The following ANXA5 variants were observed in gnomAD, a reference collection of about 807,000 sequenced individuals.
ANXA5 encodes the protein CBP-I.
Under a neutral mutation model 48.1 loss-of-function variants are expected in ANXA5, and 40 were observed. The observed-to-expected ratio is 0.83, with a 90% CI of 0.65 to 1.08. ANXA5 has a LOEUF of 1.08. Ranked by LOEUF, ANXA5 falls within the 50% of genes least tolerant of loss-of-function variation. ANXA5 has a pLI of 0.00. For missense variants in ANXA5, 357 were observed against 376.8 expected (o/e 0.95, Z 0.44); for synonymous variants, 113 against 129.1 (o/e 0.88, Z 0.85).
At chr4:121,686,929 T>C (rs1280201094) in intron 2 of ANXA5, among the ~76,000 whole-genome samples, 2 of 152,236 alleles carry the variant, frequency 1.3e-5, no homozygotes, top group African/African-American at 4.8e-5. Context: ...GAAGACATTC[T>C]TCATAAAGCT....
intron 2 of ANXA5, among the ~76,000 whole-genome samples, chr4:121,690,179 A>G (rs1724958412): frequency 1.3e-5 from 2 of 152,230 alleles, no homozygotes; most frequent in African/African-American, 4.8e-5. Flanking sequence ...ACAAAGAAAC[A>G]TACTGGCTCA....
chr4:121,685,836 G>A (rs1019835965), intron 3 of ANXA5, among the ~76,000 whole-genome samples: 3 of 152,156 alleles, frequency 2.0e-5, no homozygotes, highest in African/African-American at 7.2e-5. Context: ...TACCACACAG[G>A]TGAGGGTGAC....
At chr4:121,695,100 T>C (rs113910858) in intron 2 of ANXA5, among the ~76,000 whole-genome samples, 5,539 of 152,310 alleles carry the variant, frequency 0.036, 350 homozygotes, top group African/African-American at 0.13. Context: ...GAGGGAATTA[T>C]TATTCGATGC....
At chr4:121,677,751 T>G in intron 8 of ANXA5, 143 bp downstream of exon 8, 1 of 697,290 alleles carries the variant, frequency 1.4e-6, no homozygotes, top group Non-Finnish European at 2.4e-6. Flanking sequence ...AAGCTACTTA[T>G]GTAGGTCTTA....
At chr4:121,680,429 T>A (rs1420991104) in intron 6 of ANXA5, among the ~76,000 whole-genome samples, 1 of 152,254 alleles carries the variant, frequency 6.6e-6, no homozygotes, top group Non-Finnish European at 1.5e-5. Context: ...GAATGCATTA[T>A]TGCATTTAAC....
chr4:121,671,908 T>G lies in ANXA5; in HGVS notation c.626-266A>C, dbSNP rs535687476. ...CTGGAGGGGATGCTGAGAAATCTCC[T>G]CACTTACAAAAAGTGATACACAGAT... On this transcript the variant is annotated intron_variant, in intron 9 of 12. Transcript: ENST00000296511. Among the ~76,000 whole-genome samples the G allele has an allele frequency of 5.6e-4, 85 of 152,306 alleles. 2 individuals carry two copies. In the South Asian group the frequency reaches 0.012, roughly 22 times the overall value.
Position 121,669,741 on chromosome 4 carries a change from A to T in ANXA5, c.781-17T>A, listed in dbSNP as rs1488314106. The T allele has an allele frequency of 1.3e-6, 2 of 1,581,078 alleles. No homozygotes were observed. Among genetic ancestry groups the T allele is most frequent in the Non-Finnish European group, 1.7e-6 (2 of 1,171,852 alleles). ...CCCAGCTCCCTTTAAAAAAAAAAAAAAAGAGAGAAGCAAAATGCTTAAAAA... is the reference window on the plus strand; with the variant it reads ...CCCAGCTCCCTTTAAAAAAAAAAAATAAGAGAGAAGCAAAATGCTTAAAAA... On this transcript the variant is annotated splice_polypyrimidine_tract_variant and intron_variant, in intron 11 of 12. Transcript: ENST00000296511.
rs569162041 is a variant in ANXA5 at position 121,682,427 on chromosome 4, T to G, written c.304-666A>C. On this transcript the variant is annotated intron_variant, in intron 5 of 12. Transcript: ENST00000296511. Reference sequence around the variant, plus strand: ...CAACGATATAGCTGGACTTAATTTTTTTTAAAAGATAGTATATTGAAGCCT... The same window carrying G: ...CAACGATATAGCTGGACTTAATTTTGTTTAAAAGATAGTATATTGAAGCCT... Among the ~76,000 whole-genome samples the G allele has an allele frequency of 3.9e-5, 6 of 152,268 alleles. No individual in the cohort carries two copies. The South Asian group carries it at 1.2e-3, about 32-fold the overall frequency.
intron 6 of ANXA5, among the ~76,000 whole-genome samples, chr4:121,680,709 G>A (rs376426823): frequency 6.6e-6 from 1 of 152,084 alleles, no homozygotes; most frequent in South Asian, 2.1e-4. Flanking sequence ...TCTCATCAAC[G>A]TCAACATCCC....
chr4:121,678,356 T>C, intron 7 of ANXA5, 59 bp downstream of exon 7: 2 of 1,403,668 alleles, frequency 1.4e-6, no homozygotes, highest in Non-Finnish European at 1.0e-6. Flanking sequence ...CTTAACTAGA[T>C]TCAGCCCAGT....
intron 8 of ANXA5, 137 bp downstream of exon 8, chr4:121,677,757 T>C: frequency 1.3e-6 from 1 of 763,106 alleles, no homozygotes; most frequent in Non-Finnish European, 2.2e-6. Context: ...CTTATGTAGG[T>C]CTTATGCTAT....
intron 7 of ANXA5, 124 bp from the exon 8 acceptor site, chr4:121,678,074 T>C (rs1724726671): frequency 3.8e-6 from 3 of 786,738 alleles, no homozygotes; most frequent in Non-Finnish European, 6.6e-6. Context: ...TTTATTAAGA[T>C]CAATCCTGCA....
chr4:121,677,971 C>T, intron 7 of ANXA5, 21 bp from the exon 8 acceptor site: 1 of 1,598,292 alleles, frequency 6.3e-7, no homozygotes, highest in African/African-American at 1.3e-5. Flanking sequence ...TAATATGTCA[C>T]ATTACTGAAC....
rs372231642 is a variant in ANXA5, at chr4:121,696,623, G to A, written c.-34C>T. 661 of 1,387,682 alleles carry A rather than the reference G, an allele frequency of 4.8e-4. No individual in the cohort carries two copies. Among genetic ancestry groups the A allele is most frequent in the Non-Finnish European group, 6.0e-4 (637 of 1,060,048 alleles). The allele number at this position is 1,387,682 out of a possible 1,614,324, so 86.0% of individuals were successfully genotyped here. A position where few individuals can be genotyped will look rare whatever the true frequency, so the allele number is the denominator to read the frequency against. ...CTCAGGTCAGGGGAAGGTGAAGCAG[G>A]ACTGCAAAAGAGAAGAAACCTCGGG... is the stretch of plus-strand genomic sequence containing the variant. On this transcript the variant is annotated splice_region_variant and 5_prime_UTR_variant, in exon 2 of 13. Transcript: ENST00000296511.
intron 6 of ANXA5, among the ~76,000 whole-genome samples, chr4:121,679,431 T>G (rs193165254): frequency 4.1e-4 from 62 of 152,266 alleles, no homozygotes; most frequent in African/African-American, 1.4e-3. Flanking sequence ...AGCCTCTCAA[T>G]TCAAATCTCC....
intron 6 of ANXA5, among the ~76,000 whole-genome samples, chr4:121,679,524 C>T (rs1320226396): frequency 1.3e-5 from 2 of 152,116 alleles, no homozygotes; most frequent in Non-Finnish European, 2.9e-5. Flanking sequence ...AATTCCTAAT[C>T]CAGTCATGCA....
chr4:121,681,365 T>C, intron 6 of ANXA5: 1 of 196,528 alleles, frequency 5.1e-6, no homozygotes, highest in African/African-American at 2.3e-5. Flanking sequence ...GGAAAAACCA[T>C]TTTTACCTTA....
intron 2 of ANXA5, among the ~76,000 whole-genome samples, chr4:121,686,628 G>A (rs1335988757): frequency 3.3e-5 from 5 of 152,036 alleles, no homozygotes; most frequent in African/African-American, 4.8e-5. Flanking sequence ...TCTCTGTGAC[G>A]AAACCCCACC....
chr4:121,686,519 G>T (rs1285321389), intron 2 of ANXA5, 147 bp from the exon 3 acceptor site: 2 of 643,370 alleles, frequency 3.1e-6, no homozygotes. Flanking sequence ...TTTTGAACTG[G>T]GAAGGGAACC....
Sources: allele counts gnomAD v4.1 joint callset (sites outside exome capture counted in the v4.1 genomes callset), GRCh38; gene constraint gnomAD v4.1.1; transcripts MANE v1.5; gene names NCBI Gene and HGNC (gene_info 2026-07-23, HGNC 2026-07-21).